Variants in ROBO1 observed in about 807,000 individuals in gnomAD.
ROBO1 encodes the protein roundabout homolog 1.
Under a neutral mutation model 195.9 loss-of-function variants are expected in ROBO1, and 149 were observed. The observed-to-expected ratio is 0.76, with a 90% CI of 0.67 to 0.87. ROBO1 has a LOEUF of 0.87. Among genes scored for constraint, ROBO1 ranks in the 40% least tolerant of loss-of-function variants. The pLI, the probability that ROBO1 is intolerant of heterozygous loss-of-function variation, is 0.00. For missense variants in ROBO1, 1,933 were observed against 2,068.3 expected, an observed-to-expected ratio of 0.93 and a Z score of 1.27; for synonymous variants, 816 against 733.2, an observed-to-expected ratio of 1.11 and a Z score of -1.82.
chr3:79,358,097 A>C (rs142184289), intron 2 of ROBO1, among the ~76,000 whole-genome samples: 1 of 152,038 alleles, frequency 6.6e-6, no homozygotes, highest in Non-Finnish European at 1.5e-5. Context: ...TGGCTTCGTC[A>C]CTTACATAGC....
intron 5 of ROBO1, among the ~76,000 whole-genome samples, chr3:78,721,647 G>A (rs1559786675): frequency 6.6e-6 from 1 of 152,114 alleles, no homozygotes; most frequent in Non-Finnish European, 1.5e-5. Flanking sequence ...TAAAATGTAA[G>A]GCTTTAAGGA....
chr3:79,555,686 G>C (rs1942673650), intron 2 of ROBO1, among the ~76,000 whole-genome samples: 1 of 152,078 alleles, frequency 6.6e-6, no homozygotes, highest in African/African-American at 2.4e-5. Context: ...GTGAGGCTTG[G>C]TTACATGGTT....
At chr3:79,237,732 A>G (rs2082438804) in intron 2 of ROBO1, among the ~76,000 whole-genome samples, 2 of 152,126 alleles carry the variant, frequency 1.3e-5, no homozygotes, top group African/African-American at 4.8e-5. Flanking sequence ...ATTGTTTTTG[A>G]GCAGTCTGTT....
chr3:79,655,986 C>A (rs1190550362), intron 1 of ROBO1, among the ~76,000 whole-genome samples: 1 of 152,192 alleles, frequency 6.6e-6, no homozygotes, highest in African/African-American at 2.4e-5. Context: ...AATCACTTAA[C>A]TTTTTAAAAG....
intron 4 of ROBO1, among the ~76,000 whole-genome samples, chr3:78,797,027 T>C (rs2084205273): frequency 1.3e-5 from 2 of 152,220 alleles, no homozygotes; most frequent in Non-Finnish European, 2.9e-5. Flanking sequence ...TTCTTTTGCT[T>C]AGCTAGCTCC....
intron 2 of ROBO1, among the ~76,000 whole-genome samples, chr3:79,385,211 A>G (rs569932475): frequency 1.4e-4 from 21 of 152,274 alleles, no homozygotes; most frequent in Admixed American, 3.3e-4. Context: ...TAAATTTTAA[A>G]AATTGTAAAC....
rs1345061054 is a variant in ROBO1 at position 78,765,750 on chromosome 3, T to TA, written c.500-18851dup. On this transcript the variant is annotated intron_variant, in intron 4 of 30. Transcript: ENST00000464233. Reference sequence around the variant, plus strand: ...CACTTTAATAGAGGACAAAGCTAGTTAAACAGATGGCACTCAGGATTTCTC... The same window carrying TA: ...CACTTTAATAGAGGACAAAGCTAGTTAAAACAGATGGCACTCAGGATTTCTC... Among the ~76,000 whole-genome samples, 3 of 152,258 alleles carry TA rather than the reference T, an allele frequency of 2.0e-5. No individual in the cohort carries two copies. In the East Asian group the frequency reaches 5.8e-4, roughly 29 times the overall value.
intron 2 of ROBO1, among the ~76,000 whole-genome samples, chr3:79,212,951 C>A (rs1402790981): frequency 1.3e-5 from 2 of 152,020 alleles, no homozygotes; most frequent in Non-Finnish European, 2.9e-5. Flanking sequence ...CAATTTAATT[C>A]CTCCAGTCTC....
At chr3:79,189,916 G>T (rs143885156) in intron 2 of ROBO1, among the ~76,000 whole-genome samples, 1 of 151,530 alleles carries the variant, frequency 6.6e-6, no homozygotes, top group Non-Finnish European at 1.5e-5. Context: ...TACACTAAAT[G>T]GATTTACAGT....
intron 2 of ROBO1, among the ~76,000 whole-genome samples, chr3:79,176,714 C>A (rs1424120146): frequency 6.6e-6 from 1 of 152,076 alleles, no homozygotes; most frequent in Admixed American, 6.6e-5. Flanking sequence ...CCCAGCTCGG[C>A]CCCCCAAAGG....
chr3:78,893,536 C>T (rs148056232), intron 4 of ROBO1, among the ~76,000 whole-genome samples: 34 of 152,294 alleles, frequency 2.2e-4, no homozygotes, highest in African/African-American at 7.2e-4. Flanking sequence ...TGTAGCAGCA[C>T]AGACTAAGAC....
chr3:79,433,227 G>A (rs1356898101), intron 2 of ROBO1, among the ~76,000 whole-genome samples: 1 of 151,852 alleles, frequency 6.6e-6, no homozygotes, highest in Non-Finnish European at 1.5e-5. Flanking sequence ...CCCTCCTCAT[G>A]TGTCCATATG....
chr3:78,738,469 T>C (rs920584339), intron 5 of ROBO1, among the ~76,000 whole-genome samples: 2 of 152,208 alleles, frequency 1.3e-5, no homozygotes, highest in Non-Finnish European at 2.9e-5. Context: ...TTTTCAAAAC[T>C]TTAACTTGCT....
At chr3:79,196,521 GTTC>G (rs2081640403) in intron 2 of ROBO1, among the ~76,000 whole-genome samples, 3 of 151,834 alleles carry the variant, frequency 2.0e-5, no homozygotes, top group African/African-American at 7.2e-5. Flanking sequence ...GGCTCACAGA[GTTC>G]TTCTCAAGAC....
At chr3:79,329,806 T>C (rs569021527) in intron 2 of ROBO1, among the ~76,000 whole-genome samples, 1 of 152,268 alleles carries the variant, frequency 6.6e-6, no homozygotes, top group South Asian at 2.1e-4. Context: ...ACTTTACCTG[T>C]AATATTTTAT....
intron 2 of ROBO1, among the ~76,000 whole-genome samples, chr3:79,532,527 A>G (rs935924378): frequency 2.0e-5 from 3 of 152,224 alleles, no homozygotes; most frequent in Non-Finnish European, 4.4e-5. Context: ...TATTGAATAT[A>G]AAATAGTCAA....
At chr3:79,095,596 A>C (rs1208017515) in intron 3 of ROBO1, among the ~76,000 whole-genome samples, 1 of 152,052 alleles carries the variant, frequency 6.6e-6, no homozygotes. Flanking sequence ...CCATCTTGCT[A>C]AGTTACTCCT....
At chr3:79,251,161 A>C (rs925541453) in intron 2 of ROBO1, among the ~76,000 whole-genome samples, 11 of 152,256 alleles carry the variant, frequency 7.2e-5, no homozygotes, top group African/African-American at 9.6e-5. Context: ...TTATATGTAT[A>C]TAATTACCCA....
At chr3:78,860,038 C>G (rs2034700034) in intron 4 of ROBO1, among the ~76,000 whole-genome samples, 1 of 150,526 alleles carries the variant, frequency 6.6e-6, no homozygotes, top group South Asian at 2.1e-4. Context: ...GAGATTGTGC[C>G]ACTGCACTCC....
Sources: allele counts gnomAD v4.1 joint callset (sites outside exome capture counted in the v4.1 genomes callset), GRCh38; gene constraint gnomAD v4.1.1; transcripts MANE v1.5; gene names NCBI Gene and HGNC (gene_info 2026-07-23, HGNC 2026-07-21).